SNX29: variants seen among roughly 807,000 people sequenced by gnomAD.
The protein encoded by SNX29 is sorting nexin-29.
A neutral mutation model predicts 102.1 loss-of-function variants in SNX29; 78 were observed. The ratio of observed to expected loss-of-function variants is 0.76; its 90% CI spans 0.64 to 0.92. The LOEUF is 0.92. Among genes scored for constraint, SNX29 ranks in the 40% least tolerant of loss-of-function variants. The pLI is 0.00. For synonymous variants in SNX29, 580 were observed against 414.5 expected, an observed-to-expected ratio of 1.40 and a Z score of -4.85; for missense variants, 1,280 against 1,061.7, an observed-to-expected ratio of 1.21 and a Z score of -2.86.
intron 11 of SNX29, among the ~76,000 whole-genome samples, chr16:12,123,964 T>C (rs1311833112): frequency 1.3e-5 from 2 of 152,180 alleles, no homozygotes; most frequent in African/African-American, 4.8e-5. Context: ...CAGCAACCTT[T>C]TCCAGTGGAA....
intron 16 of SNX29, among the ~76,000 whole-genome samples, chr16:12,378,002 T>A (rs558996203): frequency 6.6e-6 from 1 of 152,238 alleles, no homozygotes; most frequent in Non-Finnish European, 1.5e-5. Context: ...GGTTTTTGTA[T>A]TAGGATGATT....
chr16:12,177,897 G>T (rs553425194), intron 13 of SNX29, among the ~76,000 whole-genome samples: 29 of 152,140 alleles, frequency 1.9e-4, no homozygotes, highest in African/African-American at 7.0e-4. Context: ...TTAGGTTCTT[G>T]TTGGGAGAAC....
rs141954033 is a variant in SNX29, at chr16:12,525,772, T to C, written c.2318+931T>C. On this transcript the variant is annotated intron_variant, in intron 20 of 20. Coordinates refer to ENST00000566228, the MANE Select transcript of SNX29 (RefSeq NM_032167.5). Reference sequence around the variant, plus strand: ...ATTAACCCAACGGATGCTGCTGTTTTCAAGAAAGCTAATCTTGGCTCGAAA... The same window carrying C: ...ATTAACCCAACGGATGCTGCTGTTTCCAAGAAAGCTAATCTTGGCTCGAAA... 1.1e-3 allele frequency among the ~76,000 whole-genome samples: 160 copies of C among 144,174 alleles called. 5 individuals carry two copies. The highest frequency in any genetic ancestry group is 0.011 in the East Asian group (54 of 4,874). 94.6% of individuals were successfully genotyped at this position (144,174 alleles called of 152,430 possible). A position where few individuals can be genotyped will look rare whatever the true frequency, so the allele number is the denominator to read the frequency against.
intron 13 of SNX29, among the ~76,000 whole-genome samples, chr16:12,151,623 A>G (rs571122461): frequency 1.3e-5 from 2 of 152,252 alleles, no homozygotes; most frequent in African/African-American, 4.8e-5. Context: ...TTTCTTTTCA[A>G]TTCCTCTGAA....
chr16:12,022,375 A>C (rs1471580292), intron 3 of SNX29, among the ~76,000 whole-genome samples: 1 of 151,754 alleles, frequency 6.6e-6, no homozygotes, highest in African/African-American at 2.4e-5. Context: ...TAATTTTTGT[A>C]TTTTTAGTAG....
intron 14 of SNX29, among the ~76,000 whole-genome samples, chr16:12,268,448 C>A (rs975268094): frequency 5.3e-5 from 8 of 152,176 alleles, no homozygotes; most frequent in Admixed American, 5.2e-4. Context: ...GGTCTTGTTG[C>A]CCGTGTTTCT....
chr16:12,027,193 T>A (rs1321364561), intron 3 of SNX29, 127 bp from the exon 4 acceptor site: 19 of 1,106,822 alleles, frequency 1.7e-5, no homozygotes, highest in Non-Finnish European at 1.3e-6. Context: ...CACATCCAGG[T>A]GTCTCCTGTC....
chr16:12,183,634 C>T (rs1285370744), intron 13 of SNX29, among the ~76,000 whole-genome samples: 2 of 152,182 alleles, frequency 1.3e-5, no homozygotes, highest in Non-Finnish European at 2.9e-5. Flanking sequence ...ATAGGAATGT[C>T]AGAGGCATTT....
At chr16:12,020,449 A>G (rs979490287) in intron 3 of SNX29, among the ~76,000 whole-genome samples, 11 of 151,908 alleles carry the variant, frequency 7.2e-5, no homozygotes, top group African/African-American at 2.4e-4. Context: ...TGATCTGCCC[A>G]CCTCGGCCTC....
At chr16:12,068,969 T>C (rs2051166469) in intron 9 of SNX29, 88 bp from the exon 10 acceptor site, 1 of 1,260,240 alleles carries the variant, frequency 7.9e-7, no homozygotes, top group African/African-American at 1.5e-5. Flanking sequence ...ATGTAGCAGA[T>C]GAGCCAATGT....
In SNX29 at chr16:12,360,255, C is replaced by T. The variant is rs923883832; in HGVS notation, c.1899+3976C>T. On this transcript the variant is annotated intron_variant, in intron 16 of 20. Transcript: ENST00000566228. Reference sequence around the variant, plus strand: ...GGACCCTGATAAAGTTCATATAGTGCAGTTGGTTGGTGTGCCTCTTCAGGC... The same window carrying T: ...GGACCCTGATAAAGTTCATATAGTGTAGTTGGTTGGTGTGCCTCTTCAGGC... Among the ~76,000 whole-genome samples, 3 of 152,202 alleles carry T rather than the reference C, an allele frequency of 2.0e-5. No homozygotes were observed. The South Asian group carries it at 6.2e-4, about 32-fold the overall frequency.
At chr16:12,126,605 T>A (rs368322888) in intron 11 of SNX29, 28 bp from the exon 12 acceptor site, 307 of 1,612,744 alleles carry the variant, frequency 1.9e-4, no homozygotes, top group Non-Finnish European at 2.5e-4. Flanking sequence ...ACCTGCCAAT[T>A]AATCTTGACT....
intron 13 of SNX29, among the ~76,000 whole-genome samples, chr16:12,131,518 C>T (rs2054467270): frequency 6.6e-6 from 1 of 151,696 alleles, no homozygotes; most frequent in Admixed American, 6.6e-5. Context: ...TTTTATGTAC[C>T]TGGATGTGGT....
chr16:11,976,953 G>A (rs1221930596), intron 1 of SNX29, 140 bp downstream of exon 1: 3 of 1,135,084 alleles, frequency 2.6e-6, no homozygotes, highest in Non-Finnish European at 3.3e-6. Context: ...CAGACCCCTG[G>A]CCCCCAGGAC....
chr16:12,046,712 TG>T (rs534806688), intron 6 of SNX29, among the ~76,000 whole-genome samples: 7 of 152,340 alleles, frequency 4.6e-5, no homozygotes, highest in Admixed American at 4.6e-4. Context: ...CTCCGCCTCC[TG>T]GGTTCAAGTC....
At chr16:12,527,526 C>T (rs1025762422) in intron 20 of SNX29, 11 of 398,084 alleles carry the variant, frequency 2.8e-5, no homozygotes, top group African/African-American at 2.0e-4. Flanking sequence ...AAAGAGAGGG[C>T]CCCCCATTTT....
At chr16:12,025,820 T>C (rs1465828219) in intron 3 of SNX29, among the ~76,000 whole-genome samples, 2 of 152,164 alleles carry the variant, frequency 1.3e-5, no homozygotes, top group African/African-American at 4.8e-5. Context: ...AGGATGTTTT[T>C]CGTGATGATA....
intron 15 of SNX29, among the ~76,000 whole-genome samples, chr16:12,347,079 A>C (rs1252719278): frequency 2.6e-5 from 4 of 152,144 alleles, no homozygotes; most frequent in Non-Finnish European, 5.9e-5. Context: ...GTGTGTAAGC[A>C]TTACCTCTTG....
chr16:12,421,222 T>G (rs2084859700), intron 18 of SNX29, among the ~76,000 whole-genome samples: 1 of 152,200 alleles, frequency 6.6e-6, no homozygotes, highest in Non-Finnish European at 1.5e-5. Context: ...AGCCACTGCT[T>G]TATTCTTCAT....
Sources: allele counts gnomAD v4.1 joint callset (sites outside exome capture counted in the v4.1 genomes callset), GRCh38; gene constraint gnomAD v4.1.1; transcripts MANE v1.5; gene names NCBI Gene and HGNC (gene_info 2026-07-23, HGNC 2026-07-21).